Variants in SAXO1 observed in about 807,000 individuals in gnomAD.
SAXO1 encodes stabilizer of axonemal microtubules 1.
A neutral mutation model predicts 17.5 loss-of-function variants in SAXO1; 21 were observed. That is an observed-to-expected ratio of 1.20 (90% CI 0.85 to 1.72). SAXO1 has a LOEUF of 1.72. SAXO1 is among the 40% of genes most tolerant of loss of function. The pLI is 0.00. For synonymous variants in SAXO1, 274 were observed against 216.5 expected (o/e 1.27, Z -2.33); for missense variants, 843 against 596.0 (o/e 1.41, Z -4.32).
At chr9:19,034,959 G>C (rs1330244044), upstream of SAXO1, among the ~76,000 whole-genome samples, 3 of 152,216 alleles carry the variant, frequency 2.0e-5, no homozygotes, top group East Asian at 3.9e-4. Flanking sequence ...AACAATCATG[G>C]TACTCCCCAC....
chr9:18,991,056 A>C (rs1245469502), intron 1 of SAXO1, among the ~76,000 whole-genome samples: 1 of 152,144 alleles, frequency 6.6e-6, no homozygotes, highest in Non-Finnish European at 1.5e-5. Context: ...TCAGGAGTTC[A>C]AGACCAGCCT....
In SAXO1 at chr9:18,941,705, T is replaced by C. The variant is rs34257010; in HGVS notation, c.353A>G (p.Asp118Gly). 5.3e-4 allele frequency: 856 copies of C among 1,614,114 alleles called. 3 individuals carry two copies. The African/African-American group carries it at 0.01, about 19-fold the overall frequency. ...DYNPYPVCRV[D>G]PIKPRDSKYP... is the part of the protein sequence containing the mutation. Reference sequence around the variant, plus strand: ...TTTACTGTCCCGAGGTTTGATGGGGTCCACTCGACAGACAGGGTAGGGATT... The same window carrying C: ...TTTACTGTCCCGAGGTTTGATGGGGCCCACTCGACAGACAGGGTAGGGATT... Residue 118 changes from aspartate (D) to glycine (G), a missense_variant, in exon 3 of 4, where the codon GAC becomes GGC. Asp to Gly is a moderately conservative substitution (Grantham distance 94). Coordinates refer to ENST00000380534, the MANE Select transcript of SAXO1 (RefSeq NM_153707.4).
intron 1 of SAXO1, among the ~76,000 whole-genome samples, chr9:19,013,367 C>T (rs765885886): frequency 6.6e-6 from 1 of 152,010 alleles, no homozygotes; most frequent in African/African-American, 2.4e-5. Flanking sequence ...TTAGATTGCC[C>T]TCTTGTGGGA....
chr9:18,931,739 T>C (rs910494874), intron 3 of SAXO1, among the ~76,000 whole-genome samples: 5 of 152,232 alleles, frequency 3.3e-5, no homozygotes, highest in Non-Finnish European at 7.3e-5. Context: ...TAGTAGTATC[T>C]TGCAGTGTCA....
At chr9:19,018,870 G>A (rs981168909) in intron 1 of SAXO1, among the ~76,000 whole-genome samples, 3 of 152,204 alleles carry the variant, frequency 2.0e-5, no homozygotes, top group Non-Finnish European at 4.4e-5. Flanking sequence ...AGCACTTTGG[G>A]AGGCTGAGGC....
rs766139536 is a variant in SAXO1 at position 19,049,328 on chromosome 9, C to A, written c.-277G>T. On this transcript the variant is annotated 5_prime_UTR_variant, in exon 1 of 4. Transcript: ENST00000542071. This position sits in a 1 kb window ranked among gnomAD's most constrained non-coding sequence, Gnocchi z 5.4. The stretch of plus-strand genomic sequence containing the variant: ...TCATTAGAGCAGCGGCTTTTCAAGG[C>A]TCGTCGGGCACGGAGGGCGGAGCGA... 2.0e-4 allele frequency: 49 copies of A among 244,590 alleles called. No individual in the cohort carries two copies. The East Asian group carries it at 5.3e-3, about 26-fold the overall frequency. The allele number at this position is 244,590 out of a possible 1,614,324, so 15.2% of individuals were successfully genotyped here.
At chr9:18,948,740 G>A (rs986243902) in intron 2 of SAXO1, among the ~76,000 whole-genome samples, 4 of 152,066 alleles carry the variant, frequency 2.6e-5, no homozygotes, top group African/African-American at 7.2e-5. Flanking sequence ...CCTAAGCTTT[G>A]GGCAGCTAAC....
intron 1 of SAXO1, among the ~76,000 whole-genome samples, chr9:19,007,119 C>T (rs894764534): frequency 6.6e-6 from 1 of 151,370 alleles, no homozygotes; most frequent in Non-Finnish European, 1.5e-5. Context: ...GAGGCCGAGG[C>T]GGGTGGATCA....
rs769379950 is a variant in SAXO1, at chr9:18,928,984, CT to C, written c.492del (p.Val165SerfsTer15). 1.5e-5 allele frequency: 24 copies of C among 1,614,082 alleles called. No individual in the cohort carries two copies. In the Admixed American group the frequency reaches 3.8e-4, roughly 26 times the overall value. On this transcript the variant is annotated frameshift_variant, in exon 4 of 4. Coordinates refer to ENST00000380534, the MANE Select transcript of SAXO1 (RefSeq NM_153707.4). LOFTEE classifies it low-confidence loss of function (END_TRUNC). ...TGTGTGGTTCTGTTATCAAACCTGA[CT>C]GATGCCGGCTGGTATTTGTGTTCCA... ...LRLEHKYQPA[S>X]VRFDNRTTHQ...
At chr9:18,948,136 C>T (rs183003894) in intron 2 of SAXO1, among the ~76,000 whole-genome samples, 15 of 152,282 alleles carry the variant, frequency 9.9e-5, no homozygotes, top group African/African-American at 2.9e-4. Flanking sequence ...ACTGGGCTGA[C>T]GCATCCCTTC....
chr9:19,043,081 A>G (rs1588578395), intron 1 of SAXO1, among the ~76,000 whole-genome samples: 1 of 152,030 alleles, frequency 6.6e-6, no homozygotes, highest in Non-Finnish European at 1.5e-5. Context: ...CTGAGGTGGG[A>G]GGATCACTTG....
chr9:18,990,530 C>T (rs1833772931), intron 1 of SAXO1, among the ~76,000 whole-genome samples: 1 of 152,084 alleles, frequency 6.6e-6, no homozygotes, highest in Non-Finnish European at 1.5e-5. Context: ...ATGTTTGCAC[C>T]ACTACACTCA....
intron 1 of SAXO1, among the ~76,000 whole-genome samples, chr9:18,976,693 G>A (rs146225290): frequency 1.8e-3 from 270 of 152,302 alleles, no homozygotes; most frequent in African/African-American, 6.2e-3. Context: ...ACGCTTTCCT[G>A]AGTCTTGTGG....
chr9:18,948,966 A>G (rs796743527), intron 2 of SAXO1, among the ~76,000 whole-genome samples: 63 of 152,288 alleles, frequency 4.1e-4, no homozygotes, highest in African/African-American at 1.4e-3. Flanking sequence ...TACCGATTAC[A>G]TGTCCCTTAT....
chr9:18,980,919 A>G (rs967019133), intron 1 of SAXO1, among the ~76,000 whole-genome samples: 15 of 151,906 alleles, frequency 9.9e-5, no homozygotes, highest in African/African-American at 3.4e-4. Flanking sequence ...CATTTTTTAC[A>G]TTGTCGGGAG....
chr9:19,039,726 C>T (rs940734766), intron 1 of SAXO1, among the ~76,000 whole-genome samples: 1 of 152,074 alleles, frequency 6.6e-6, no homozygotes, highest in Non-Finnish European at 1.5e-5. Flanking sequence ...AGATGCAGGT[C>T]TTGGAATTTG....
At chr9:18,931,251 T>C (rs1831036530) in intron 3 of SAXO1, among the ~76,000 whole-genome samples, 1 of 152,236 alleles carries the variant, frequency 6.6e-6, no homozygotes, top group Admixed American at 6.5e-5. Context: ...GGACATTTCA[T>C]ATAAATAGAA....
rs1000786725 is a variant in SAXO1 at position 19,008,342 on chromosome 9, G to A, written c.38+24529C>T. Among the ~76,000 whole-genome samples, 7 of 152,234 alleles carry A rather than the reference G, an allele frequency of 4.6e-5. No homozygotes were observed. In the East Asian group the frequency reaches 7.7e-4, roughly 17 times the overall value. ...CTAAATTATCAACTCAGTAAAGGAC[G>A]AAATGCAGTGTCAAATTCCACTGAA... On this transcript the variant is annotated intron_variant, in intron 1 of 3. Coordinates refer to ENST00000380534, the MANE Select transcript of SAXO1 (RefSeq NM_153707.4).
intron 1 of SAXO1, among the ~76,000 whole-genome samples, chr9:18,954,666 G>C (rs898797584): frequency 6.6e-6 from 1 of 151,996 alleles, no homozygotes; most frequent in Non-Finnish European, 1.5e-5. Flanking sequence ...AATTGAAAGG[G>C]GGCATGGGAA....
Sources: allele counts gnomAD v4.1 joint callset (sites outside exome capture counted in the v4.1 genomes callset), GRCh38; gene constraint gnomAD v4.1.1; non-coding constraint Gnocchi (gnomAD v3.1); transcripts MANE v1.5; gene names NCBI Gene and HGNC (gene_info 2026-07-23, HGNC 2026-07-21).